Variants in RAG1 observed in about 807,000 individuals in gnomAD.
RAG1 encodes V(D)J recombination-activating protein 1.
Under a neutral mutation model 62.7 loss-of-function variants are expected in RAG1, and 35 were observed. The observed-to-expected ratio is 0.56, with a 90% CI of 0.43 to 0.74. The LOEUF (loss-of-function observed/expected upper bound fraction) is 0.74, where lower values mean the gene tolerates loss of function less well. Ranked by LOEUF, RAG1 falls within the 30% of genes least tolerant of loss-of-function variation. RAG1 has a pLI of 0.00. For missense variants in RAG1, 1,169 were observed against 1,278.6 expected, an observed-to-expected ratio of 0.91 and a Z score of 1.31; for synonymous variants, 461 against 470.3, an observed-to-expected ratio of 0.98 and a Z score of 0.26.
At chr11:36,514,267 A>T (rs1007328546) in intron 1 of RAG1, among the ~76,000 whole-genome samples, 10 of 152,260 alleles carry the variant, frequency 6.6e-5, no homozygotes, top group African/African-American at 2.2e-4. Flanking sequence ...ACCTACAAAA[A>T]CTGTGATATA....
Position 36,575,173 on chromosome 11 carries a change from C to G in RAG1, c.1869C>G (p.Val623=). 1.9e-6 allele frequency: 3 copies of G among 1,614,168 alleles called. No homozygotes were observed. Among genetic ancestry groups the G allele is most frequent in the Non-Finnish European group, 2.5e-6 (3 of 1,180,024 alleles). The part of the protein sequence containing the change: ...GSGPVVPEKA[V]RFSFTIMKIT... ...GGCCTGTAGTTCCAGAAAAGGCAGT[C>G]CGTTTTTCATTCACAATCATGAAAA... Residue 623 remains valine (V), a synonymous_variant, in exon 2 of 2, where the codon GTC becomes GTG. Coordinates refer to ENST00000299440, the MANE Select transcript of RAG1 (RefSeq NM_000448.3). This position sits in a 1 kb window ranked among gnomAD's most constrained non-coding sequence, Gnocchi z 4.1.
At chr11:36,523,730 C>T (rs1170258059) in intron 2 of RAG1, among the ~76,000 whole-genome samples, 1 of 152,116 alleles carries the variant, frequency 6.6e-6, no homozygotes, top group African/African-American at 2.4e-5. Context: ...CTGGCCATTG[C>T]ATAATTTTTT....
chr11:36,541,270 A>C (rs959795616), intron 3 of RAG1, among the ~76,000 whole-genome samples: 26 of 152,218 alleles, frequency 1.7e-4, no homozygotes, highest in Admixed American at 1.4e-3. Flanking sequence ...TCAGTGACAG[A>C]TGTGAAATGA....
At chr11:36,548,465 C>T (rs1388390212) in intron 3 of RAG1, among the ~76,000 whole-genome samples, 2 of 152,030 alleles carry the variant, frequency 1.3e-5, no homozygotes, top group Admixed American at 6.6e-5. Flanking sequence ...ACAAGCATTC[C>T]TATACAGCAA....
upstream of RAG1, chr11:36,563,384 G>C (rs1011451004): frequency 2.0e-5 from 3 of 152,152 alleles, no homozygotes; most frequent in African/African-American, 7.2e-5. Context: ...CCTGCCCTCA[G>C]ACATCCGTGT....
At chr11:36,572,887 A>G (rs1272408973) in intron 1 of RAG1, among the ~76,000 whole-genome samples, 2 of 152,220 alleles carry the variant, frequency 1.3e-5, no homozygotes, top group Non-Finnish European at 2.9e-5. Context: ...TACAATGTGG[A>G]AAATATTACT....
chr11:36,520,139 A>G (rs1860056246), exon 2 of RAG1: 1 of 152,222 alleles, frequency 6.6e-6, no homozygotes, highest in African/African-American at 2.4e-5. Flanking sequence ...CAGGAGTGCA[A>G]TCTGAAGCCA....
At position 36,575,791 on chromosome 11, in the gene RAG1, G is replaced by T. The variant is rs752304188; in HGVS notation, c.2487G>T (p.Arg829Ser). 20 of 1,614,110 alleles carry T rather than the reference G, an allele frequency of 1.2e-5. No individual in the cohort carries two copies. The Admixed American group carries it at 2.2e-4, about 17-fold the overall frequency. Reference protein sequence around the residue: ...YKNPNASKEERKRWQATLDKH... With the variant: ...YKNPNASKEESKRWQATLDKH... ...ATCCCAATGCTTCCAAAGAGGAAAG[G>T]AAAAGGTGGCAGGCCACACTGGACA... Residue 829 changes from arginine to serine, a missense_variant, in exon 2 of 2, where the codon AGG becomes AGT. Arg to Ser is a moderately radical substitution (Grantham distance 110). Transcript: ENST00000299440. This position sits in a 1 kb window ranked among gnomAD's most constrained non-coding sequence, Gnocchi z 4.1.
At chr11:36,568,258 A>G (rs1270781810) in intron 1 of RAG1, 136 bp downstream of exon 1, 2 of 152,056 alleles carry the variant, frequency 1.3e-5, no homozygotes, top group Non-Finnish European at 2.9e-5. Context: ...ATTTTTTTTT[A>G]ATGTATGAAA....
chr11:36,528,395 T>G (rs1253562543), intron 2 of RAG1, among the ~76,000 whole-genome samples: 3 of 152,142 alleles, frequency 2.0e-5, no homozygotes, highest in African/African-American at 4.8e-5. Flanking sequence ...GAATGACTAC[T>G]GGGTACGTAA....
intron 2 of RAG1, among the ~76,000 whole-genome samples, chr11:36,530,743 A>G (rs576799634): frequency 1.3e-5 from 2 of 151,514 alleles, no homozygotes; most frequent in African/African-American, 4.8e-5. Context: ...GTTTTTCTTG[A>G]TATATTTTCC....
intron 1 of RAG1, among the ~76,000 whole-genome samples, chr11:36,517,164 A>G (rs1179730897): frequency 1.3e-5 from 2 of 152,220 alleles, no homozygotes; most frequent in East Asian, 3.8e-4. Flanking sequence ...TGATTTCCCA[A>G]AAAGGACACT....
intron 3 of RAG1, among the ~76,000 whole-genome samples, chr11:36,543,227 T>A (rs929985481): frequency 2.0e-5 from 3 of 152,194 alleles, no homozygotes; most frequent in African/African-American, 7.2e-5. Context: ...TCTGTGGACA[T>A]CACCCTGGTC....
At chr11:36,518,074 T>G (rs1197175379) in intron 1 of RAG1, among the ~76,000 whole-genome samples, 2 of 148,050 alleles carry the variant, frequency 1.4e-5, no homozygotes, top group African/African-American at 5.0e-5. Context: ...CACCTATGAG[T>G]GAGAACATAC....
At chr11:36,511,145 G>C (rs1179347816) in intron 1 of RAG1, 2 of 152,188 alleles carry the variant, frequency 1.3e-5, no homozygotes, top group Non-Finnish European at 2.9e-5. Flanking sequence ...GATAAAATAT[G>C]TAAAGAAATT....
upstream of RAG1, among the ~76,000 whole-genome samples, chr11:36,567,648 T>A (rs1850680305): frequency 6.6e-6 from 1 of 152,222 alleles, no homozygotes; most frequent in Non-Finnish European, 1.5e-5. Flanking sequence ...TAACTGTCAT[T>A]GTATAACATT....
chr11:36,573,158 A>G, intron 1 of RAG1, 133 bp from the exon 2 acceptor site: 1 of 915,786 alleles, frequency 1.1e-6, no homozygotes, highest in South Asian at 1.9e-5. Flanking sequence ...TGATATATTA[A>G]GGTAGAAGAT....
rs367725290 is a variant in RAG1 at position 36,573,622 on chromosome 11, C to G, written c.318C>G (p.Asn106Lys). 1 of 1,614,200 alleles carries G rather than the reference C, an allele frequency of 6.2e-7. No individual in the cohort carries two copies. The highest frequency in any genetic ancestry group is 2.2e-5 in the East Asian group (1 of 44,890). ...GAGGCAAAGCGATCCATCAAGCCAA[C>G]CTTCGACATCTCTGCCGCATCTGTG... Reference protein sequence around the residue: ...KARGKAIHQANLRHLCRICGN... With the variant: ...KARGKAIHQAKLRHLCRICGN... Residue 106 changes from asparagine to lysine, a missense_variant, in exon 2 of 2, where the codon AAC (asparagine) becomes AAG (lysine). Transcript: ENST00000299440.
At position 36,576,710 on chromosome 11, in the gene RAG1, A is replaced by G. The variant is rs1850858441; in HGVS notation, c.*274A>G. ...CAGGAGTAACTGCAGGGGACCAGAG[A>G]TGAGCAAAGATCTGTGTGTGTTGGG... On this transcript the variant is annotated 3_prime_UTR_variant, in exon 2 of 2. Coordinates refer to ENST00000299440, the MANE Select transcript of RAG1 (RefSeq NM_000448.3). 2.1e-6 allele frequency: 1 copy of G among 472,604 alleles called. No homozygotes were observed. The highest frequency in any genetic ancestry group is 4.0e-6 in the Non-Finnish European group (1 of 249,664). 29.3% of individuals were successfully genotyped at this position (472,604 alleles called of 1,614,324 possible). A position where few individuals can be genotyped will look rare whatever the true frequency, so the allele number is the denominator to read the frequency against.
Sources: gnomAD v4.1 joint callset for allele counts (sites outside exome capture counted in the v4.1 genomes callset) on GRCh38, gnomAD v4.1.1 for gene constraint, Gnocchi (gnomAD v3.1) non-coding constraint, MANE v1.5 for transcripts, NCBI Gene and HGNC (gene_info 2026-07-23, HGNC 2026-07-21) for gene names.